KCTD8: variants seen among roughly 807,000 people sequenced by gnomAD.
KCTD8 encodes BTB/POZ domain-containing protein KCTD8.
A neutral mutation model predicts 31.5 loss-of-function variants in KCTD8; 27 were observed. The observed-to-expected ratio is 0.86, with a 90% CI of 0.63 to 1.18. The LOEUF is 1.18. Ranked by LOEUF, KCTD8 falls within the 50% of genes most tolerant of loss-of-function variation. KCTD8 has a pLI of 0.00. For synonymous variants in KCTD8, 290 were observed against 280.0 expected, an observed-to-expected ratio of 1.04 and a Z score of -0.36; for missense variants, 658 against 647.7, an observed-to-expected ratio of 1.02 and a Z score of -0.17.
chr4:44,265,912 T>C (rs953619409), intron 1 of KCTD8, among the ~76,000 whole-genome samples: 22 of 152,108 alleles, frequency 1.4e-4, no homozygotes, highest in Non-Finnish European at 2.8e-4. Flanking sequence ...CAAATCTACA[T>C]CTGATTGGTG....
chr4:44,176,055 C>T (rs1713205330), intron 1 of KCTD8, among the ~76,000 whole-genome samples: 1 of 152,190 alleles, frequency 6.6e-6, no homozygotes. Flanking sequence ...CCTGACTCCA[C>T]TGTGGGATTA....
At chr4:44,381,809 T>C (rs2109443186) in intron 1 of KCTD8, among the ~76,000 whole-genome samples, 1 of 152,164 alleles carries the variant, frequency 6.6e-6, no homozygotes, top group East Asian at 1.9e-4. Context: ...TGGCTTCCCC[T>C]TCACCTTTCA....
At chr4:44,387,949 T>G (rs1720264906) in intron 1 of KCTD8, among the ~76,000 whole-genome samples, 1 of 151,386 alleles carries the variant, frequency 6.6e-6, no homozygotes, top group Admixed American at 6.6e-5. Flanking sequence ...GGGAGAAAAT[T>G]TTCGCAAACT....
chr4:44,433,965 T>C (rs982510113), intron 1 of KCTD8, among the ~76,000 whole-genome samples: 4 of 151,884 alleles, frequency 2.6e-5, no homozygotes, highest in African/African-American at 9.7e-5. Context: ...GCTGCCACAG[T>C]TGCTTTTTGA....
intron 1 of KCTD8, among the ~76,000 whole-genome samples, chr4:44,221,817 G>A (rs1396314898): frequency 6.6e-6 from 1 of 151,784 alleles, no homozygotes; most frequent in African/African-American, 2.4e-5. Flanking sequence ...CCAGATTGAG[G>A]GTGTCTGTGT....
At chr4:44,406,897 A>C (rs532511037) in intron 1 of KCTD8, among the ~76,000 whole-genome samples, 3 of 152,318 alleles carry the variant, frequency 2.0e-5, no homozygotes, top group African/African-American at 7.2e-5. Context: ...TTCAAATCGG[A>C]TATGTACATC....
chr4:44,334,728 C>T (rs772388506), intron 1 of KCTD8, among the ~76,000 whole-genome samples: 9 of 151,806 alleles, frequency 5.9e-5, no homozygotes, highest in Non-Finnish European at 8.8e-5. Flanking sequence ...AATCTGGTCA[C>T]AAAGGAATAA....
chr4:44,409,114 G>A (rs753981980), intron 1 of KCTD8, among the ~76,000 whole-genome samples: 5 of 151,652 alleles, frequency 3.3e-5, no homozygotes, highest in African/African-American at 4.8e-5. Context: ...GTGGTAGGGC[G>A]TGCCTGTAAT....
Position 44,447,764 on chromosome 4 carries a change from C to T in KCTD8, c.760G>A (p.Glu254Lys), listed in dbSNP as rs200013511. The T allele has an allele frequency of 1.2e-6, 2 of 1,611,610 alleles. No individual in the cohort carries two copies. The highest frequency in any genetic ancestry group is 4.5e-5 in the East Asian group (2 of 44,768). Residue 254 changes from glutamate (E) to lysine (K), a missense_variant, in exon 1 of 2, where the codon GAG becomes AAG. Physicochemically the swap from Glu to Lys is moderately conservative, Grantham distance 56 (BLOSUM62 1). Coordinates refer to ENST00000360029, the MANE Select transcript of KCTD8 (RefSeq NM_198353.3). ...GGCTGCCGGTCGGGGTCGCGGCTCT[C>T]GTTGAGCGTGTCCCCGAAGACCTCC... ...AKEVFGDTLN[E>K]SRDPDRQPEK...
rs111397545 is a variant in KCTD8, at chr4:44,353,417, T to G, written c.961+94146A>C. ...ATACAAGCATACAATGTGTAATGAT[T>G]AAATTAGGGTAATTAATGTATCCAG... is the stretch of plus-strand genomic sequence containing the variant. On this transcript the variant is annotated intron_variant, in intron 1 of 1. Coordinates refer to ENST00000360029, the MANE Select transcript of KCTD8 (RefSeq NM_198353.3). Among the ~76,000 whole-genome samples, 1,404 of 152,154 alleles carry G rather than the reference T, an allele frequency of 9.2e-3. 21 individuals are homozygous for G. Among genetic ancestry groups the G allele is most frequent in the African/African-American group, 0.032 (1,329 of 41,538 alleles).
intron 1 of KCTD8, among the ~76,000 whole-genome samples, chr4:44,366,220 G>A (rs983304052): frequency 6.6e-6 from 1 of 152,058 alleles, no homozygotes; most frequent in Non-Finnish European, 1.5e-5. Context: ...CTTATATGTG[G>A]GGACCTCCAT....
chr4:44,319,378 T>C (rs1560425252), intron 1 of KCTD8, among the ~76,000 whole-genome samples: 1 of 151,402 alleles, frequency 6.6e-6, no homozygotes, highest in South Asian at 2.1e-4. Context: ...CCATGATGTC[T>C]AAAATGTATA....
chr4:44,279,764 T>C (rs1438030271), intron 1 of KCTD8, among the ~76,000 whole-genome samples: 2 of 152,054 alleles, frequency 1.3e-5, no homozygotes, highest in African/African-American at 4.8e-5. Context: ...GAACACATAC[T>C]AAATAATTAC....
chr4:44,178,226 C>G (rs769089119), intron 1 of KCTD8, among the ~76,000 whole-genome samples: 13 of 151,936 alleles, frequency 8.6e-5, no homozygotes, highest in Non-Finnish European at 1.8e-4. Context: ...GTAAAAGGAT[C>G]TAGTATAATG....
At chr4:44,226,548 A>G (rs1444688732) in intron 1 of KCTD8, among the ~76,000 whole-genome samples, 1 of 152,212 alleles carries the variant, frequency 6.6e-6, no homozygotes, top group Non-Finnish European at 1.5e-5. Context: ...TCCTTTGGGT[A>G]CATACACAGT....
At chr4:44,379,747 T>C (rs1319863295) in intron 1 of KCTD8, among the ~76,000 whole-genome samples, 2 of 152,118 alleles carry the variant, frequency 1.3e-5, no homozygotes, top group East Asian at 3.9e-4. Context: ...TTAAGTATTG[T>C]TGCCAAGCAA....
At chr4:44,214,653 G>T (rs1006994086) in intron 1 of KCTD8, among the ~76,000 whole-genome samples, 1 of 152,166 alleles carries the variant, frequency 6.6e-6, no homozygotes, top group Admixed American at 6.6e-5. Context: ...CTGACCCCAT[G>T]TTGGTTCCAA....
chr4:44,273,553 G>A (rs1716671700), intron 1 of KCTD8, among the ~76,000 whole-genome samples: 1 of 151,904 alleles, frequency 6.6e-6, no homozygotes, highest in Non-Finnish European at 1.5e-5. Context: ...GAAAAAAGAT[G>A]AAGATGGGGA....
At chr4:44,398,108 T>G (rs73247534) in intron 1 of KCTD8, among the ~76,000 whole-genome samples, 22,619 of 152,174 alleles carry the variant, frequency 0.15, 1,865 homozygotes, top group Non-Finnish European at 0.18. Flanking sequence ...TTGTAAGGAA[T>G]CACGAGAAAA....
Sources: allele counts gnomAD v4.1 joint callset (sites outside exome capture counted in the v4.1 genomes callset), GRCh38; gene constraint gnomAD v4.1.1; transcripts MANE v1.5; gene names NCBI Gene and HGNC (gene_info 2026-07-23, HGNC 2026-07-21).